PRKG2: variants seen among roughly 807,000 people sequenced by gnomAD.
PRKG2 encodes the protein protein kinase cGMP-dependent 2.
A neutral mutation model predicts 97.2 loss-of-function variants in PRKG2; 33 were observed. The observed-to-expected ratio is 0.34, with a 90% confidence interval of 0.26 to 0.45. The LOEUF is 0.45. PRKG2 is among the 20% of genes least tolerant of loss of function. The pLI is 1.00. For synonymous variants in PRKG2, 330 were observed against 321.8 expected (o/e 1.03, Z -0.27); for missense variants, 638 against 900.0 (o/e 0.71, Z 3.73).
At chr4:81,190,506 C>T (rs1560617136) in intron 2 of PRKG2, among the ~76,000 whole-genome samples, 1 of 152,066 alleles carries the variant, frequency 6.6e-6, no homozygotes, top group Non-Finnish European at 1.5e-5. Context: ...AGGCAATACC[C>T]CATTCAGGAC....
intron 1 of PRKG2, among the ~76,000 whole-genome samples, chr4:81,213,053 A>G (rs1301968409): frequency 6.6e-6 from 1 of 152,226 alleles, no homozygotes; most frequent in African/African-American, 2.4e-5. Flanking sequence ...GGCACCGTGT[A>G]TGGGCTAGAC....
At chr4:81,179,553 C>A (rs1751228284) in intron 2 of PRKG2, among the ~76,000 whole-genome samples, 1 of 151,976 alleles carries the variant, frequency 6.6e-6, no homozygotes, top group African/African-American at 2.4e-5. Context: ...TGGAAACTGG[C>A]AGATGTTAGA....
intron 17 of PRKG2, among the ~76,000 whole-genome samples, chr4:81,093,405 A>AC (rs1560528514): frequency 0.031 from 4,155 of 135,898 alleles, 220 homozygotes; most frequent in African/African-American, 0.13. Flanking sequence ...ACACACACAC[A>AC]AGCTTCTTAT....
At chr4:81,139,988 T>C (rs1426073749) in intron 12 of PRKG2, among the ~76,000 whole-genome samples, 1 of 152,148 alleles carries the variant, frequency 6.6e-6, no homozygotes, top group African/African-American at 2.4e-5. Flanking sequence ...TGAGATTCTG[T>C]CATTTGTAAC....
chr4:81,118,823 C>T (rs1024792073), intron 14 of PRKG2, among the ~76,000 whole-genome samples: 1 of 152,138 alleles, frequency 6.6e-6, no homozygotes, highest in African/African-American at 2.4e-5. Flanking sequence ...GAGACAGGGT[C>T]TCACTCTGTC....
At chr4:81,091,180 G>A (rs1424706339) in intron 18 of PRKG2, among the ~76,000 whole-genome samples, 1 of 152,160 alleles carries the variant, frequency 6.6e-6, no homozygotes, top group Non-Finnish European at 1.5e-5. Flanking sequence ...CAATATTTCT[G>A]CCCAAACTTT....
intron 2 of PRKG2, among the ~76,000 whole-genome samples, chr4:81,201,966 T>C (rs1457673757): frequency 6.6e-6 from 1 of 152,194 alleles, no homozygotes; most frequent in Non-Finnish European, 1.5e-5. Context: ...TCAGCCAGGA[T>C]ACTTTATAAA....
rs530939440 is a variant in PRKG2, at chr4:81,089,832, A to G, written c.2194-29T>C. The G allele has an allele frequency of 4.6e-6, 7 of 1,536,630 alleles. No homozygotes were observed. In the South Asian group the frequency reaches 6.7e-5, roughly 15 times the overall value. ...ATATAGAAATAATTAAAACAAAAGGAAGAATAATGTTGACCAAGCATGCTA... is the reference window on the plus strand; with the variant it reads ...ATATAGAAATAATTAAAACAAAAGGGAGAATAATGTTGACCAAGCATGCTA... On this transcript the variant is annotated intron_variant, in intron 18 of 18. Coordinates refer to ENST00000264399, the MANE Select transcript of PRKG2 (RefSeq NM_006259.3).
At chr4:81,126,196 A>G (rs1394899871) in intron 14 of PRKG2, among the ~76,000 whole-genome samples, 1 of 152,200 alleles carries the variant, frequency 6.6e-6, no homozygotes, top group Non-Finnish European at 1.5e-5. Context: ...GTCCCTGCAA[A>G]AGACATGAAC....
intron 14 of PRKG2, among the ~76,000 whole-genome samples, chr4:81,121,079 G>A (rs112531689): frequency 0.026 from 3,945 of 152,048 alleles, 169 homozygotes; most frequent in African/African-American, 0.09. Flanking sequence ...CAGCCTGCTG[G>A]TGTAATGGAT....
Position 81,089,075 on chromosome 4 carries a change from C to G in PRKG2, c.*633G>C, listed in dbSNP as rs1023894281. On this transcript the variant is annotated 3_prime_UTR_variant, in exon 19 of 19. Transcript: ENST00000264399. The stretch of plus-strand genomic sequence containing the variant: ...TCCCCAATAGAAAATAATTACCTGA[C>G]TGGATTGATTGATTCAGTTACTTTA... 8 of 152,108 alleles carry G rather than the reference C, an allele frequency of 5.3e-5. No individual in the cohort carries two copies. The highest frequency in any genetic ancestry group is 1.9e-4 in the African/African-American group (8 of 41,420). 9.4% of individuals were successfully genotyped at this position (152,108 alleles called of 1,614,324 possible). A position where few individuals can be genotyped will look rare whatever the true frequency, so the allele number is the denominator to read the frequency against.
At chr4:81,204,391 T>C (rs1282597502) in intron 2 of PRKG2, among the ~76,000 whole-genome samples, 196 bp downstream of exon 2, 3 of 152,174 alleles carry the variant, frequency 2.0e-5, no homozygotes, top group Non-Finnish European at 2.9e-5. Context: ...GAGAGATATA[T>C]ATAGTACAAT....
intron 8 of PRKG2, among the ~76,000 whole-genome samples, chr4:81,149,769 A>G (rs550327498): frequency 3.3e-5 from 5 of 152,294 alleles, no homozygotes; most frequent in African/African-American, 1.2e-4. Context: ...TTCATTTAAG[A>G]TGACTTGGGA....
At chr4:81,138,153 AC>A (rs536148081) in intron 12 of PRKG2, among the ~76,000 whole-genome samples, 28 of 152,316 alleles carry the variant, frequency 1.8e-4, no homozygotes, top group Non-Finnish European at 3.4e-4. Flanking sequence ...CCAAATAAAA[AC>A]AAAAACCAAT....
At chr4:81,156,413 C>G (rs1250809237) in intron 6 of PRKG2, among the ~76,000 whole-genome samples, 2 of 152,148 alleles carry the variant, frequency 1.3e-5, no homozygotes, top group African/African-American at 4.8e-5. Flanking sequence ...AATACAGGAG[C>G]ACCCAGATTC....
At chr4:81,109,643 G>T (rs1743704135) in intron 15 of PRKG2, among the ~76,000 whole-genome samples, 1 of 152,138 alleles carries the variant, frequency 6.6e-6, no homozygotes, top group South Asian at 2.1e-4. Context: ...TAATAAAAAT[G>T]TAAATCATAA....
At chr4:81,209,624 C>T (rs1432225328) in intron 1 of PRKG2, among the ~76,000 whole-genome samples, 1 of 152,006 alleles carries the variant, frequency 6.6e-6, no homozygotes. Context: ...TGAGATAAAT[C>T]ATGATGAAAA....
At chr4:81,215,849 C>T (rs1754252275), upstream of PRKG2, among the ~76,000 whole-genome samples, 1 of 151,766 alleles carries the variant, frequency 6.6e-6, no homozygotes, top group Admixed American at 6.6e-5. Context: ...TCTTGATCAC[C>T]CAAGAAGATA....
At chr4:81,095,260 T>C (rs1171458174) in intron 17 of PRKG2, among the ~76,000 whole-genome samples, 1 of 152,148 alleles carries the variant, frequency 6.6e-6, no homozygotes, top group African/African-American at 2.4e-5. Flanking sequence ...GAAACTCCAG[T>C]CAAAAAGTGA....
Sources: gnomAD v4.1 joint callset for allele counts (sites outside exome capture counted in the v4.1 genomes callset) on GRCh38, gnomAD v4.1.1 for gene constraint, MANE v1.5 for transcripts, NCBI Gene and HGNC (gene_info 2026-07-23, HGNC 2026-07-21) for gene names.